Variants in ELP1 observed in about 807,000 individuals in gnomAD.
ELP1 encodes elongator acetyltransferase complex subunit 1.
In ELP1, 131 loss-of-function variants were observed where a neutral mutation model predicts 183.2. That is an observed-to-expected ratio of 0.72 (90% CI 0.62 to 0.83). ELP1 has a LOEUF of 0.83. Among genes scored for constraint, ELP1 ranks in the 40% least tolerant of loss-of-function variants. The pLI, the probability that ELP1 is intolerant of heterozygous loss-of-function variation, is 0.00. For missense variants in ELP1, 1,550 were observed against 1,594.9 expected (o/e 0.97, Z 0.48); for synonymous variants, 555 against 569.0 (o/e 0.98, Z 0.35).
chr9:108,924,348 C>A (rs972595207), intron 5 of ELP1, among the ~76,000 whole-genome samples: 1 of 152,070 alleles, frequency 6.6e-6, no homozygotes, highest in Non-Finnish European at 1.5e-5. Context: ...AGTCTACTGA[C>A]CCCAGGATAG....
At chr9:108,896,187 G>A (rs528231187) in intron 25 of ELP1, among the ~76,000 whole-genome samples, 56 of 152,206 alleles carry the variant, frequency 3.7e-4, no homozygotes, top group Middle Eastern at 3.4e-3. Context: ...AACACGGGAG[G>A]TGGAACTTGC....
intron 5 of ELP1, 98 bp from the exon 6 acceptor site, chr9:108,923,025 C>T: frequency 1.1e-6 from 1 of 884,938 alleles, no homozygotes; most frequent in East Asian, 2.4e-5. Context: ...GGCAATTACT[C>T]AGGTCCTCTA....
rs200634033 is a variant in ELP1, at chr9:108,878,066, T to C, written c.3784A>G (p.Thr1262Ala). 3 of 1,614,072 alleles carry C rather than the reference T, an allele frequency of 1.9e-6. No individual in the cohort carries two copies. Among genetic ancestry groups the C allele is most frequent in the Middle Eastern group, 1.6e-4 (1 of 6,062 alleles). The change falls in exon 35 of 37, where the codon ACG becomes GCG. Residue 1262 changes from threonine to alanine, a missense_variant. Transcript: ENST00000374647. ...AGTGACCTTTCCATCAACTGCAGCG[T>C]ATCTTCAAAGGCCTTCTGTAATTCC... ...GRELQKAFED[T>A]LQLMERSLPE...
intron 25 of ELP1, 87 bp downstream of exon 25, chr9:108,896,409 A>G (rs1157813572): frequency 7.9e-7 from 1 of 1,259,696 alleles, no homozygotes; most frequent in Non-Finnish European, 1.2e-6. Context: ...TGATAGCAGA[A>G]AAGCTACTGC....
At chr9:108,909,153 T>C (rs1040592255) in intron 12 of ELP1, among the ~76,000 whole-genome samples, 1 of 151,980 alleles carries the variant, frequency 6.6e-6, no homozygotes, top group Non-Finnish European at 1.5e-5. Context: ...TCACACTAAA[T>C]AGGAAAGACA....
intron 31 of ELP1, 48 bp from the exon 32 acceptor site, chr9:108,880,213 G>A (rs746597014): frequency 4.0e-6 from 5 of 1,264,318 alleles, no homozygotes; most frequent in East Asian, 2.3e-5. Context: ...TTTAAGCAAA[G>A]AGAAAAAACT....
intron 16 of ELP1, among the ~76,000 whole-genome samples, chr9:108,902,080 A>C (rs1828829811): frequency 6.6e-6 from 1 of 152,208 alleles, no homozygotes; most frequent in Admixed American, 6.5e-5. Flanking sequence ...TCTTTGTTCA[A>C]TTAAAGAACC....
chr9:108,902,261 T>C (rs1286819959), intron 16 of ELP1, among the ~76,000 whole-genome samples: 1 of 152,076 alleles, frequency 6.6e-6, no homozygotes, highest in African/African-American at 2.4e-5. Context: ...CCGAGAGGCC[T>C]TCCTGGACCA....
Position 108,912,438 on chromosome 9 carries a change from T to C in ELP1, c.1015A>G (p.Ser339Gly), listed in dbSNP as rs1350193684. ...ACAATCTTGCTCTTCCCACAGGTGCTGAAGGATAAACTTTGCTTGAGATAC... is the reference window on the plus strand; with the variant it reads ...ACAATCTTGCTCTTCCCACAGGTGCCGAAGGATAAACTTTGCTTGAGATAC... Reference protein sequence around the residue: ...HWYLKQSLSFSTCGKSKIVSL... With the variant: ...HWYLKQSLSFGTCGKSKIVSL... Residue 339 changes from serine (S) to glycine (G), a missense_variant, in exon 11 of 37, where the codon AGC (serine) becomes GGC (glycine). Coordinates refer to ENST00000374647, the MANE Select transcript of ELP1 (RefSeq NM_003640.5). The C allele has an allele frequency of 6.2e-7, 1 of 1,614,148 alleles. No individual in the cohort carries two copies. The highest frequency in any genetic ancestry group is 1.1e-5 in the South Asian group (1 of 91,080).
chr9:108,889,549 C>T, intron 28 of ELP1, 156 bp from the exon 29 acceptor site: 1 of 701,866 alleles, frequency 1.4e-6, no homozygotes, highest in Non-Finnish European at 2.5e-6. Context: ...TCTTAAATGG[C>T]AGCTAGAATC....
intron 29 of ELP1, among the ~76,000 whole-genome samples, chr9:108,884,036 G>C (rs13292459): frequency 6.6e-6 from 1 of 150,968 alleles, no homozygotes; most frequent in African/African-American, 2.4e-5. Flanking sequence ...TATCAACAAG[G>C]AACGCACTTT....
intron 5 of ELP1, among the ~76,000 whole-genome samples, chr9:108,926,020 A>C (rs899800496): frequency 6.6e-6 from 1 of 152,208 alleles, no homozygotes; most frequent in African/African-American, 2.4e-5. Context: ...TTGTGACTTC[A>C]AGATGGCCAA....
Position 108,868,993 on chromosome 9 carries a change from G to A in ELP1, c.*122C>T. 1.2e-6 allele frequency: 1 copy of A among 836,958 alleles called. No individual in the cohort carries two copies. The highest frequency in any genetic ancestry group is 2.1e-6 in the Non-Finnish European group (1 of 478,552). 51.8% of individuals were successfully genotyped at this position (836,958 alleles called of 1,614,324 possible). On this transcript the variant is annotated 3_prime_UTR_variant, in exon 37 of 37. Transcript: ENST00000374647. ...TGCTGAAGTTCTTGGCAATGCTAAGGTAAGTTATCATTTTACTCTTTCCAG... is the reference window on the plus strand; with the variant it reads ...TGCTGAAGTTCTTGGCAATGCTAAGATAAGTTATCATTTTACTCTTTCCAG...
At chr9:108,889,445 C>T (rs764785303) in intron 28 of ELP1, 52 bp from the exon 29 acceptor site, 2 of 1,498,760 alleles carry the variant, frequency 1.3e-6, no homozygotes, top group South Asian at 2.3e-5. Flanking sequence ...GATACTTTAG[C>T]TCAAGTGCTT....
intron 26 of ELP1, among the ~76,000 whole-genome samples, chr9:108,893,722 A>G (rs1564081651): frequency 6.6e-6 from 1 of 152,226 alleles, no homozygotes; most frequent in Non-Finnish European, 1.5e-5. Context: ...AAAAGGATCT[A>G]CTTGACGTTC....
chr9:108,906,350 A>C lies in ELP1; in HGVS notation c.1596T>G (p.Thr532=). 6.2e-7 allele frequency: 1 copy of C among 1,614,130 alleles called. No homozygotes were observed. The highest frequency in any genetic ancestry group is 8.5e-7 in the Non-Finnish European group (1 of 1,179,958). The change falls in exon 14 of 37, where the codon ACT becomes ACG. Residue 532 remains threonine, a synonymous_variant. Transcript: ENST00000374647. The part of the protein sequence containing the change: ...FSPRSVIHHL[T]AASSEMDEEH... ...CTTCATCCATCTCAGAAGAAGCTGCAGTCAAATGGTGAATGACAGACCGGG... is the reference window on the plus strand; with the variant it reads ...CTTCATCCATCTCAGAAGAAGCTGCCGTCAAATGGTGAATGACAGACCGGG...
At chr9:108,874,798 T>C in intron 36 of ELP1, 97 bp downstream of exon 36, 1 of 849,022 alleles carries the variant, frequency 1.2e-6, no homozygotes, top group Non-Finnish European at 2.0e-6. Context: ...TGAAAAATTG[T>C]ATCCAATCTC....
chr9:108,890,818 G>A (rs1427682089), intron 28 of ELP1, among the ~76,000 whole-genome samples: 1 of 152,202 alleles, frequency 6.6e-6, no homozygotes, highest in African/African-American at 2.4e-5. Flanking sequence ...GAAGGTGATA[G>A]TTTAACTTCC....
Position 108,879,490 on chromosome 9 carries a change from A to G in ELP1, c.3528T>C (p.Ser1176=). The change falls in exon 33 of 37, where the codon AGT becomes AGC. Residue 1176 remains serine (S), a synonymous_variant. Transcript: ENST00000374647. ...FSETSSVVSG[S]EMSGKYSHSN... is the part of the protein sequence containing the mutation. The stretch of plus-strand genomic sequence containing the variant: ...TATGGGAGTATTTGCCACTCATCTC[A>G]CTGCCACTCACGACACTGCTAGTTT... 6.2e-7 allele frequency: 1 copy of G among 1,614,120 alleles called. No individual in the cohort carries two copies. Among genetic ancestry groups the G allele is most frequent in the Non-Finnish European group, 8.5e-7 (1 of 1,179,994 alleles).
Sources: gnomAD v4.1 joint callset for allele counts (sites outside exome capture counted in the v4.1 genomes callset) on GRCh38, gnomAD v4.1.1 for gene constraint, MANE v1.5 for transcripts, NCBI Gene and HGNC (gene_info 2026-07-23, HGNC 2026-07-21) for gene names.